CYFIP2: variants seen among roughly 807,000 people sequenced by gnomAD.
The protein encoded by CYFIP2 is cytoplasmic FMR1-interacting protein 2.
CYFIP2 carries 29 observed loss-of-function variants against 158.7 expected under a neutral mutation model. That is an observed-to-expected ratio of 0.18 (90% confidence interval 0.14 to 0.25). The LOEUF is 0.25. Among genes scored for constraint, CYFIP2 ranks in the 10% least tolerant of loss-of-function variants. CYFIP2 has a pLI of 1.00. For synonymous variants in CYFIP2, 585 were observed against 617.6 expected (o/e 0.95, Z 0.78); for missense variants, 852 against 1,639.5 (o/e 0.52, Z 8.29).
In CYFIP2 at chr5:157,266,367, T is replaced by A. The variant is rs887952901; in HGVS notation, c.-24+172T>A. On this transcript the variant is annotated intron_variant, in intron 1 of 30. Coordinates refer to ENST00000620254, the MANE Select transcript of CYFIP2 (RefSeq NM_001037333.3). The surrounding 1 kb of genome is among the most constrained non-coding windows in gnomAD (Gnocchi z 4.2). ...CCGGCCTCAGGCCCCACGCGGCCCC[T>A]TTCCCCCTCGGACCCACCGTGCGTC... 5.3e-5 allele frequency: 8 copies of A among 151,478 alleles called. No homozygotes were observed. Among genetic ancestry groups the A allele is most frequent in the African/African-American group, 1.5e-4 (6 of 41,296 alleles). The allele number at this position is 151,478 out of a possible 1,614,324, so 9.4% of individuals were successfully genotyped here.
chr5:157,289,203 C>T (rs1195694028), intron 3 of CYFIP2, among the ~76,000 whole-genome samples: 1 of 152,174 alleles, frequency 6.6e-6, no homozygotes, highest in Non-Finnish European at 1.5e-5. Context: ...CGTGCTGTCT[C>T]ACACAGTTAG....
chr5:157,358,914 C>G (rs1763606481), intron 23 of CYFIP2, 91 bp from the exon 24 acceptor site: 8 of 1,541,156 alleles, frequency 5.2e-6, no homozygotes, highest in Non-Finnish European at 1.8e-6. Context: ...CACTGGGTTC[C>G]TAATGCTTCT....
Position 157,383,353 on chromosome 5 carries a change from C to A in CYFIP2, c.3201C>A (p.Thr1067=). ...TCCCTCTGATCGAGCGGCTGGGGAC[C>A]CCTCAGGTACCAATCTTATATAATA... ...HLVPLIERLG[T]PQQIAIAREG... Residue 1067 remains threonine, a synonymous_variant, in exon 28 of 31, where the codon ACC becomes ACA. Transcript: ENST00000620254. 1 of 1,613,624 alleles carries A rather than the reference C, an allele frequency of 6.2e-7. No homozygotes were observed. Among genetic ancestry groups the A allele is most frequent in the Middle Eastern group, 1.6e-4 (1 of 6,062 alleles).
intron 24 of CYFIP2, 149 bp downstream of exon 24, chr5:157,359,297 A>T: frequency 1.3e-6 from 1 of 768,464 alleles, no homozygotes; most frequent in South Asian, 1.8e-5. Context: ...TCCCTTGCCC[A>T]TATCCCTGGA....
chr5:157,360,229 T>C, intron 24 of CYFIP2, 53 bp from the exon 25 acceptor site: 1 of 1,491,766 alleles, frequency 6.7e-7, no homozygotes, highest in Non-Finnish European at 9.3e-7. Flanking sequence ...ATAACCTCCA[T>C]ACCCCGCATA....
chr5:157,272,881 T>C (rs1756222226), intron 1 of CYFIP2, among the ~76,000 whole-genome samples: 1 of 152,240 alleles, frequency 6.6e-6, no homozygotes, highest in Non-Finnish European at 1.5e-5. Flanking sequence ...ATTTATTTAT[T>C]TTGAGATGGA....
At chr5:157,313,878 A>G (rs1242626324) in intron 11 of CYFIP2, among the ~76,000 whole-genome samples, 1 of 152,164 alleles carries the variant, frequency 6.6e-6, no homozygotes, top group Non-Finnish European at 1.5e-5. Context: ...TTTTATATAA[A>G]TATAGACTAG....
chr5:157,369,322 C>A (rs916673430), intron 26 of CYFIP2, among the ~76,000 whole-genome samples: 2 of 152,112 alleles, frequency 1.3e-5, no homozygotes, highest in Admixed American at 1.3e-4. Context: ...TAGTCAGAGA[C>A]CCTCAGCTTA....
intron 1 of CYFIP2, chr5:157,271,562 A>C (rs970869887): frequency 2.0e-5 from 3 of 152,286 alleles, no homozygotes; most frequent in African/African-American, 7.2e-5. Context: ...ATACAATAAA[A>C]TGTACCTTGT....
chr5:157,327,789 G>A (rs934520539), intron 18 of CYFIP2, 184 bp from the exon 19 acceptor site: 2 of 589,516 alleles, frequency 3.4e-6, no homozygotes, highest in Admixed American at 3.0e-5. Context: ...TTCACTGACT[G>A]AGGACCCTGA....
intron 23 of CYFIP2, chr5:157,342,346 G>A (rs1234394489): frequency 6.5e-6 from 1 of 152,844 alleles, no homozygotes; most frequent in Non-Finnish European, 1.5e-5. Context: ...AAAATAGAGA[G>A]CGGTGGTATG....
rs142973944 is a variant in CYFIP2 at position 157,324,004 on chromosome 5, A to G, written c.1755A>G (p.Gly585=). The G allele has an allele frequency of 3.2e-4, 517 of 1,613,524 alleles. 1 individual carries two copies. In the African/African-American group the frequency reaches 5.3e-3, roughly 16 times the overall value. ...SKKTLRSSLD[G]PIVLAIEDFH... ...AGACCCTGAGGAGCAGCCTGGATGG[A>G]CCCATTGTCCTCGCCATAGAGGACT... The change falls in exon 16 of 31, where the codon GGA becomes GGG. Residue 585 remains glycine, a synonymous_variant. Transcript: ENST00000620254.
At chr5:157,324,829 A>G (rs1041347141) in intron 16 of CYFIP2, 1 of 150,506 alleles carries the variant, frequency 6.6e-6, no homozygotes, top group African/African-American at 2.5e-5. Context: ...AGCTCACCGC[A>G]ACCTCCGCTT....
At chr5:157,343,540 G>A (rs758450078) in intron 23 of CYFIP2, 18 of 1,543,578 alleles carry the variant, frequency 1.2e-5, no homozygotes, top group East Asian at 4.5e-5. Context: ...TGTTCATCCC[G>A]ATTCTGGAAC....
At chr5:157,289,929 G>A (rs1731315146) in intron 3 of CYFIP2, among the ~76,000 whole-genome samples, 1 of 152,192 alleles carries the variant, frequency 6.6e-6, no homozygotes, top group South Asian at 2.1e-4. Context: ...AAGTAGGAAT[G>A]AGGCAAATAA....
intron 21 of CYFIP2, among the ~76,000 whole-genome samples, 153 bp downstream of exon 21, chr5:157,333,599 C>G (rs1360562129): frequency 6.6e-6 from 1 of 152,186 alleles, no homozygotes; most frequent in Non-Finnish European, 1.5e-5. Context: ...AAAACTTACA[C>G]AGAATAAGAG....
chr5:157,315,814 C>A (rs1000703512), intron 13 of CYFIP2, among the ~76,000 whole-genome samples: 1 of 152,110 alleles, frequency 6.6e-6, no homozygotes, highest in African/African-American at 2.4e-5. Context: ...AAAGGTATAC[C>A]ATGGCTCACA....
In CYFIP2 at chr5:157,361,182, G is replaced by C. The variant is rs1387228848; in HGVS notation, c.2909-286G>C. 5.9e-5 allele frequency among the ~76,000 whole-genome samples: 9 copies of C among 152,080 alleles called. No individual in the cohort carries two copies. Among genetic ancestry groups the C allele is most frequent in the Non-Finnish European group, 4.4e-5 (3 of 68,026 alleles). The stretch of plus-strand genomic sequence containing the variant: ...ATTAGGAAGTCAGGCAACTTTGGAG[G>C]GACTGGGAAGGGTCCAATGGTGCCT... On this transcript the variant is annotated intron_variant, in intron 25 of 30. Coordinates refer to ENST00000620254, the MANE Select transcript of CYFIP2 (RefSeq NM_001037333.3). This position sits in a 1 kb window ranked among gnomAD's most constrained non-coding sequence, Gnocchi z 4.4.
intron 5 of CYFIP2, among the ~76,000 whole-genome samples, chr5:157,299,600 A>G (rs1452086459): frequency 6.6e-6 from 1 of 152,052 alleles, no homozygotes; most frequent in African/African-American, 2.4e-5. Context: ...GTCTTCTCTC[A>G]CTAGAATGTA....
Sources: allele counts gnomAD v4.1 joint callset (sites outside exome capture counted in the v4.1 genomes callset), GRCh38; gene constraint gnomAD v4.1.1; non-coding constraint Gnocchi (gnomAD v3.1); transcripts MANE v1.5; gene names NCBI Gene and HGNC (gene_info 2026-07-23, HGNC 2026-07-21).